The following SLIT3 variants were observed in gnomAD, a reference collection of about 807,000 sequenced individuals.
SLIT3 encodes the protein slit homolog 3 protein.
In SLIT3, 68 loss-of-function variants were observed where a neutral mutation model predicts 184.0. The ratio of observed to expected loss-of-function variants is 0.37; its 90% CI spans 0.30 to 0.45. The LOEUF (loss-of-function observed/expected upper bound fraction) is 0.45, where lower values mean the gene tolerates loss of function less well. Ranked by LOEUF, SLIT3 falls within the 20% of genes least tolerant of loss-of-function variation. The pLI, the probability that SLIT3 is intolerant of heterozygous loss-of-function variation, is 1.00. For synonymous variants in SLIT3, 831 were observed against 828.6 expected (o/e 1.00, Z -0.05); for missense variants, 1,707 against 2,026.0 (o/e 0.84, Z 3.02).
intron 6 of SLIT3, among the ~76,000 whole-genome samples, chr5:168,843,532 A>G (rs901912632): frequency 6.6e-6 from 1 of 152,226 alleles, no homozygotes; most frequent in East Asian, 1.9e-4. Context: ...TAATTTGGAA[A>G]GGGGAAGTCA....
At chr5:169,216,683 T>A (rs1247208789) in intron 3 of SLIT3, among the ~76,000 whole-genome samples, 1 of 152,190 alleles carries the variant, frequency 6.6e-6, no homozygotes, top group Non-Finnish European at 1.5e-5. Flanking sequence ...GATGGTTATC[T>A]GAGGTATGCT....
chr5:168,940,886 C>T (rs10053504), intron 4 of SLIT3, among the ~76,000 whole-genome samples: 2,027 of 152,186 alleles, frequency 0.013, 53 homozygotes, highest in African/African-American at 0.047. Flanking sequence ...TTAAGTGAAG[C>T]TCTGGCTGGC....
At chr5:169,197,474 G>A (rs190406038) in intron 3 of SLIT3, among the ~76,000 whole-genome samples, 231 of 152,264 alleles carry the variant, frequency 1.5e-3, no homozygotes, top group African/African-American at 5.3e-3. Flanking sequence ...CCCTCAACAG[G>A]AAAATGAACA....
At chr5:168,755,528 G>A (rs998796591) in intron 16 of SLIT3, among the ~76,000 whole-genome samples, 1 of 151,540 alleles carries the variant, frequency 6.6e-6, no homozygotes, top group South Asian at 2.1e-4. Flanking sequence ...TCTGCCCCCA[G>A]GGTTCAAGTG....
chr5:168,902,929 G>A (rs1760920686), intron 4 of SLIT3, among the ~76,000 whole-genome samples: 1 of 152,158 alleles, frequency 6.6e-6, no homozygotes, highest in South Asian at 2.1e-4. Context: ...GGCTGATTAG[G>A]AGGACAGGAG....
At chr5:168,924,903 GGAGA>G (rs140796415) in intron 4 of SLIT3, among the ~76,000 whole-genome samples, 164 of 152,234 alleles carry the variant, frequency 1.1e-3, no homozygotes, top group African/African-American at 3.7e-3. Context: ...AGAGCAGAGC[GGAGA>G]AAGAAAGAAC....
intron 4 of SLIT3, among the ~76,000 whole-genome samples, chr5:169,011,264 G>A (rs1272898652): frequency 3.9e-5 from 6 of 152,102 alleles, no homozygotes; most frequent in Non-Finnish European, 8.8e-5. Context: ...AGTTTTTGGC[G>A]TGTCCGACTC....
intron 13 of SLIT3, 78 bp downstream of exon 13, chr5:168,774,157 T>G: frequency 1.4e-5 from 19 of 1,372,830 alleles, no homozygotes; most frequent in Non-Finnish European, 1.7e-5. Flanking sequence ...GCTGCCCTCA[T>G]TTGGGTGTTT....
chr5:169,066,808 G>A (rs1281247609), intron 4 of SLIT3, among the ~76,000 whole-genome samples: 1 of 152,032 alleles, frequency 6.6e-6, no homozygotes, highest in Non-Finnish European at 1.5e-5. Context: ...AAAAGGCAGA[G>A]ATTAATAAGT....
chr5:168,934,103 T>C (rs1250941667), intron 4 of SLIT3, among the ~76,000 whole-genome samples: 1 of 152,216 alleles, frequency 6.6e-6, no homozygotes, highest in Non-Finnish European at 1.5e-5. Context: ...GGGCTCCACC[T>C]GCTTCCCGGA....
At chr5:169,076,123 G>T (rs1303099434) in intron 4 of SLIT3, among the ~76,000 whole-genome samples, 1 of 152,226 alleles carries the variant, frequency 6.6e-6, no homozygotes, top group African/African-American at 2.4e-5. Flanking sequence ...TTCTGGAGAA[G>T]ATGGGCCTGG....
intron 1 of SLIT3, among the ~76,000 whole-genome samples, chr5:169,288,024 C>T (rs924827789): frequency 2.6e-5 from 4 of 152,190 alleles, no homozygotes; most frequent in Admixed American, 6.5e-5. Context: ...CCTCATTTTC[C>T]CCTAGGAAAA....
intron 4 of SLIT3, among the ~76,000 whole-genome samples, chr5:168,903,340 A>G (rs1255952472): frequency 6.6e-6 from 1 of 152,186 alleles, no homozygotes; most frequent in African/African-American, 2.4e-5. Flanking sequence ...GTGTCCCTGG[A>G]AGCTGAAATT....
At position 169,027,385 on chromosome 5, in the gene SLIT3, CGTAA is replaced by C. The variant is rs150530297; in HGVS notation, c.414-144053_414-144050del. 9.6e-3 allele frequency among the ~76,000 whole-genome samples: 1,457 copies of C among 152,240 alleles called. 15 individuals are homozygous for C. Among genetic ancestry groups the C allele is most frequent in the African/African-American group, 0.033 (1,380 of 41,526 alleles). On this transcript the variant is annotated intron_variant, in intron 4 of 35. Transcript: ENST00000519560. The stretch of plus-strand genomic sequence containing the variant: ...CCTTTTGAAAAGACACTTCCTCTAG[CGTAA>C]GTGTTTAAACAAGTATTTAAATTAA...
intron 20 of SLIT3, among the ~76,000 whole-genome samples, chr5:168,730,425 A>G (rs866146119): frequency 1.3e-5 from 2 of 152,204 alleles, no homozygotes; most frequent in Middle Eastern, 6.8e-3. Flanking sequence ...CAGAATATAC[A>G]TTGTTTTCAC....
rs369408913 is a variant in SLIT3 at position 169,008,657 on chromosome 5, G to GT, written c.414-125322dup. Among the ~76,000 whole-genome samples, 569 of 151,356 alleles carry GT rather than the reference G, an allele frequency of 3.8e-3. 3 individuals carry two copies. Among genetic ancestry groups the GT allele is most frequent in the African/African-American group, 0.012 (513 of 41,298 alleles). On this transcript the variant is annotated intron_variant, in intron 4 of 35. Transcript: ENST00000519560. ...TTTTGTTGTTGCTGCTGCTGTTGTT[G>GT]TTTTTTTTTAACTTTTTAATAAAAA...
chr5:168,687,034 C>T lies in SLIT3; in HGVS notation c.3259G>A (p.Ala1087Thr), dbSNP rs868441222. 2.5e-6 allele frequency: 4 copies of T among 1,614,160 alleles called. No homozygotes were observed. The highest frequency in any genetic ancestry group is 3.4e-6 in the Non-Finnish European group (4 of 1,180,052). ...CCATTGATTGTGTCCACGCACTGGG[C>T]CCCGTGGCGGCACTTGTGGGCCACA... Reference protein sequence around the residue: ...DCVAHKCRHGAQCVDTINGYT... With the variant: ...DCVAHKCRHGTQCVDTINGYT... Residue 1087 changes from alanine (A) to threonine (T), a missense_variant, in exon 30 of 36, where the codon GCC becomes ACC. Physicochemically the swap from Ala to Thr is moderately conservative, Grantham distance 58 (BLOSUM62 0). Around this residue, in one of 3 missense-constraint regions of SLIT3, gnomAD observed 1,307 missense variants for 1,511.6 expected, o/e 0.86. Transcript: ENST00000519560.
intron 4 of SLIT3, among the ~76,000 whole-genome samples, chr5:169,128,719 C>T (rs1331590619): frequency 2.6e-5 from 4 of 152,136 alleles, no homozygotes; most frequent in South Asian, 2.1e-4. Context: ...TGTGAGCCAC[C>T]GCGCCCAGCC....
intron 4 of SLIT3, among the ~76,000 whole-genome samples, chr5:169,111,072 C>A (rs1314529314): frequency 6.6e-6 from 1 of 152,210 alleles, no homozygotes; most frequent in Non-Finnish European, 1.5e-5. Flanking sequence ...CCTCGCAGGG[C>A]CTTGCTGTAA....
Sources: allele counts gnomAD v4.1 joint callset (sites outside exome capture counted in the v4.1 genomes callset), GRCh38; gene constraint gnomAD v4.1.1; regional missense constraint gnomAD v4.1.1; transcripts MANE v1.5; gene names NCBI Gene and HGNC (gene_info 2026-07-23, HGNC 2026-07-21).